The following UIMC1 variants were observed in gnomAD, a reference collection of about 807,000 sequenced individuals.
UIMC1 encodes the protein ubiquitin interaction motif containing 1.
Under a neutral mutation model 84.9 loss-of-function variants are expected in UIMC1, and 42 were observed. That is an observed-to-expected ratio of 0.49 (90% CI 0.39 to 0.64). The LOEUF is 0.64. Among genes scored for constraint, UIMC1 ranks in the 30% least tolerant of loss-of-function variants. The probability of loss-of-function intolerance (pLI) is 0.00; values close to 1 mark genes in which losing one functional copy is unlikely to be tolerated. For missense variants in UIMC1, 825 were observed against 847.6 expected, an observed-to-expected ratio of 0.97 and a Z score of 0.33; for synonymous variants, 281 against 293.0, an observed-to-expected ratio of 0.96 and a Z score of 0.42.
At chr5:176,940,799 T>A (rs552462115) in intron 10 of UIMC1, among the ~76,000 whole-genome samples, 1 of 152,354 alleles carries the variant, frequency 6.6e-6, no homozygotes, top group East Asian at 1.9e-4. Context: ...ATAGTTCTTA[T>A]GTATTTACTA....
At chr5:176,996,295 G>C (rs1014985712) in intron 1 of UIMC1, among the ~76,000 whole-genome samples, 3 of 152,182 alleles carry the variant, frequency 2.0e-5, no homozygotes, top group African/African-American at 7.2e-5. Flanking sequence ...AGAAGAGGAA[G>C]AGAAATTACT....
At chr5:176,986,573 C>A (rs1772055794) in intron 1 of UIMC1, among the ~76,000 whole-genome samples, 1 of 146,182 alleles carries the variant, frequency 6.8e-6, no homozygotes, top group African/African-American at 2.5e-5. Context: ...GGCACACTGG[C>A]TCACACCTAT....
At chr5:176,983,507 T>C (rs1011576725) in intron 1 of UIMC1, among the ~76,000 whole-genome samples, 2 of 152,132 alleles carry the variant, frequency 1.3e-5, no homozygotes, top group African/African-American at 2.4e-5. Context: ...GGTGCTGGGA[T>C]TGCAGACGGA....
upstream of UIMC1, among the ~76,000 whole-genome samples, chr5:177,011,204 A>AG (rs1271776587): frequency 5.3e-5 from 8 of 151,704 alleles, no homozygotes; most frequent in Non-Finnish European, 1.0e-4. Context: ...AAAAAAAAAA[A>AG]GAAGAAAAGA....
At chr5:176,968,507 T>A in intron 6 of UIMC1, 48 bp downstream of exon 6, 3 of 1,533,986 alleles carry the variant, frequency 2.0e-6, no homozygotes, top group South Asian at 2.6e-5. Context: ...AATCCTTGTT[T>A]TAATCTGTGA....
chr5:176,943,294 C>G (rs761255160), intron 10 of UIMC1, 41 bp downstream of exon 10: 1 of 1,599,918 alleles, frequency 6.3e-7, no homozygotes, highest in Admixed American at 1.7e-5. Flanking sequence ...AAAACCACCA[C>G]ACAAAAAAGT....
intron 1 of UIMC1, among the ~76,000 whole-genome samples, chr5:177,020,046 A>C (rs1364636369): frequency 6.6e-6 from 1 of 152,236 alleles, no homozygotes; most frequent in Non-Finnish European, 1.5e-5. Context: ...TGTAGTATAA[A>C]TAAGGAAATA....
chr5:176,946,478 C>T (rs1309288951), intron 9 of UIMC1, among the ~76,000 whole-genome samples: 1 of 152,052 alleles, frequency 6.6e-6, no homozygotes, highest in Non-Finnish European at 1.5e-5. Flanking sequence ...CGCCACTGCA[C>T]TCCAGCCTGG....
Position 176,908,710 on chromosome 5 carries a change from A to G in UIMC1, c.1677-16T>C, listed in dbSNP as rs781678326. 3.1e-6 allele frequency: 5 copies of G among 1,605,600 alleles called. No individual in the cohort carries two copies. The African/African-American group carries it at 6.7e-5, about 22-fold the overall frequency. ...CTTCTCATTCCTATCCAATAAGAAA[A>G]AAGGAAGAAAACACAGTTTTAAGAT... On this transcript the variant is annotated splice_polypyrimidine_tract_variant and intron_variant, in intron 11 of 14. Transcript: ENST00000511320.
At chr5:176,994,422 G>A (rs1773292743) in intron 1 of UIMC1, among the ~76,000 whole-genome samples, 1 of 151,792 alleles carries the variant, frequency 6.6e-6, no homozygotes. Context: ...ACAAATGTGG[G>A]CAGGAATGCA....
chr5:176,924,039 C>T (rs112415994), intron 10 of UIMC1, among the ~76,000 whole-genome samples: 5,060 of 151,912 alleles, frequency 0.033, 304 homozygotes, highest in African/African-American at 0.11. Context: ...ACAATCTGGC[C>T]GGGCACGGTG....
chr5:176,906,781 T>C (rs570359631), intron 13 of UIMC1, among the ~76,000 whole-genome samples: 5 of 152,374 alleles, frequency 3.3e-5, no homozygotes, highest in South Asian at 2.1e-4. Flanking sequence ...GAAGCAATAA[T>C]GTCTGCACAT....
At chr5:176,907,331 C>T (rs1759523049) in intron 12 of UIMC1, 154 bp from the exon 13 acceptor site, 1 of 673,522 alleles carries the variant, frequency 1.5e-6, no homozygotes, top group African/African-American at 1.8e-5. Flanking sequence ...GAGGGTTTCA[C>T]AAGTGAAAAA....
At chr5:176,908,422 G>T in intron 12 of UIMC1, 101 bp downstream of exon 12, 1 of 1,162,392 alleles carries the variant, frequency 8.6e-7, no homozygotes, top group Non-Finnish European at 1.2e-6. Context: ...ATAGAGGGAA[G>T]AGGGGAGGGA....
intron 10 of UIMC1, among the ~76,000 whole-genome samples, chr5:176,923,543 G>GT (rs1761964368): frequency 1.5e-5 from 2 of 135,824 alleles, no homozygotes; most frequent in East Asian, 2.2e-4. Context: ...CAGTGAGACT[G>GT]TATCAAAAGC....
chr5:176,905,346 A>C lies in UIMC1; in HGVS notation c.2096T>G (p.Val699Gly). The C allele has an allele frequency of 6.2e-7, 1 of 1,614,134 alleles. No individual in the cohort carries two copies. ...TGTCCGACTACCTGGCTGGACAGTA[A>C]CTTGCTTTTTAAAGTCCACTAAGCA... is the stretch of plus-strand genomic sequence containing the variant. ...TDCLVDFKKQ[V>G]TVQPGSRTRT... Residue 699 changes from valine to glycine, a missense_variant, in exon 15 of 15, where the codon GTT becomes GGT. Transcript: ENST00000511320.
At chr5:176,997,962 G>T (rs1230261148) in intron 1 of UIMC1, among the ~76,000 whole-genome samples, 3 of 151,984 alleles carry the variant, frequency 2.0e-5, no homozygotes, top group Non-Finnish European at 4.4e-5. Flanking sequence ...CTTTCTCAGA[G>T]AAATCTTTCT....
Position 176,919,152 on chromosome 5 carries a change from T to G in UIMC1, c.1598-7763A>C, listed in dbSNP as rs182977184. 179 of 398,428 alleles carry G rather than the reference T, an allele frequency of 4.5e-4. 4 individuals are homozygous for G. In the East Asian group the frequency reaches 9.4e-3, roughly 21 times the overall value. 24.7% of individuals were successfully genotyped at this position (398,428 alleles called of 1,614,324 possible). On this transcript the variant is annotated intron_variant, in intron 10 of 14. Transcript: ENST00000511320. ...ATATAATCCACCCATTTAAAGTCTA[T>G]GATTCAATGGCAAGTACCTGGGAGG...
intron 10 of UIMC1, among the ~76,000 whole-genome samples, chr5:176,912,586 C>T (rs754436749): frequency 6.3e-4 from 95 of 151,970 alleles, no homozygotes; most frequent in Non-Finnish European, 6.2e-4. Context: ...GATTCTCCTG[C>T]CTCAGCCTCC....
Sources: gnomAD v4.1 joint callset for allele counts (sites outside exome capture counted in the v4.1 genomes callset) on GRCh38, gnomAD v4.1.1 for gene constraint, MANE v1.5 for transcripts, NCBI Gene and HGNC (gene_info 2026-07-23, HGNC 2026-07-21) for gene names.